Variants in NCS1 observed in about 807,000 individuals in gnomAD.
NCS1 encodes the protein frequenin homolog.
NCS1 carries 6 observed loss-of-function variants against 28.4 expected under a neutral mutation model. The ratio of observed to expected loss-of-function variants is 0.21; its 90% CI spans 0.12 to 0.42. The LOEUF (loss-of-function observed/expected upper bound fraction) is 0.42. Ranked by LOEUF, NCS1 falls within the 10% of genes least tolerant of loss-of-function variation. The pLI, the probability that NCS1 is intolerant of heterozygous loss-of-function variation, is 1.00. For synonymous variants in NCS1, 86 were observed against 99.3 expected (o/e 0.87, Z 0.79); for missense variants, 131 against 241.4 (o/e 0.54, Z 3.03).
intron 2 of NCS1, among the ~76,000 whole-genome samples, chr9:130,203,136 A>ATAT (rs1471670630): frequency 9.2e-5 from 10 of 108,454 alleles, no homozygotes; most frequent in Non-Finnish European, 1.9e-4. Context: ...ATATATATAT[A>ATAT]TTTTTTTTTT....
chr9:130,231,486 C>T (rs572754477), intron 7 of NCS1, among the ~76,000 whole-genome samples: 50 of 151,532 alleles, frequency 3.3e-4, no homozygotes, highest in Non-Finnish European at 5.2e-4. Context: ...TGGATTCAAG[C>T]GATTCTCCTG....
At chr9:130,185,721 G>GGT (rs1474628497) in intron 1 of NCS1, among the ~76,000 whole-genome samples, 2 of 152,220 alleles carry the variant, frequency 1.3e-5, no homozygotes, top group Non-Finnish European at 2.9e-5. Flanking sequence ...AAAAATATAT[G>GGT]GTGTGTGTGC....
At chr9:130,202,357 C>T (rs1315010444) in intron 2 of NCS1, among the ~76,000 whole-genome samples, 1 of 148,262 alleles carries the variant, frequency 6.7e-6, no homozygotes, top group Non-Finnish European at 1.5e-5. Context: ...CCCCCCCACC[C>T]CCTGAAACCC....
intron 1 of NCS1, among the ~76,000 whole-genome samples, chr9:130,193,089 G>A (rs1588112997): frequency 6.6e-6 from 1 of 152,274 alleles, no homozygotes; most frequent in East Asian, 1.9e-4. Flanking sequence ...GTGGGGGCAG[G>A]AGGGTGTGTG....
intron 1 of NCS1, chr9:130,200,637 G>T (rs1554907353): frequency 6.4e-7 from 1 of 1,551,850 alleles, no homozygotes; most frequent in Non-Finnish European, 8.7e-7. Flanking sequence ...TGGCCTGGGA[G>T]CAAGGGCTGT....
Position 130,211,209 on chromosome 9 carries a change from C to T in NCS1, c.90-6623C>T, listed in dbSNP as rs1311752107. ...TCAATGCCACCAGTGAAAATAATCA[C>T]GGATATTCACAATCATAATGATAAT... On this transcript the variant is annotated intron_variant, in intron 2 of 7. Transcript: ENST00000372398. Among the ~76,000 whole-genome samples, 4 of 151,552 alleles carry T rather than the reference C, an allele frequency of 2.6e-5. No individual in the cohort carries two copies. The Admixed American group carries it at 2.6e-4, about 10-fold the overall frequency.
At chr9:130,197,664 C>T in intron 1 of NCS1, among the ~76,000 whole-genome samples, 1 of 152,130 alleles carries the variant, frequency 6.6e-6, no homozygotes, top group East Asian at 1.9e-4. Context: ...TGCCTGCTGT[C>T]CTTCAAGACC....
intron 4 of NCS1, among the ~76,000 whole-genome samples, chr9:130,221,220 C>T (rs1001928001): frequency 3.3e-5 from 5 of 150,898 alleles, no homozygotes; most frequent in Admixed American, 6.7e-5. Flanking sequence ...AATGGGGTTT[C>T]GCCATGTTGG....
intron 1 of NCS1, 107 bp from the exon 2 acceptor site, chr9:130,200,851 G>T: frequency 6.6e-7 from 1 of 1,523,564 alleles, no homozygotes; most frequent in Middle Eastern, 1.7e-4. Context: ...CGGGGACATG[G>T]CCGTGGGGAG....
intron 2 of NCS1, among the ~76,000 whole-genome samples, chr9:130,207,340 C>T (rs1219434453): frequency 6.6e-6 from 1 of 152,246 alleles, no homozygotes; most frequent in Non-Finnish European, 1.5e-5. Flanking sequence ...CTGACCTCAA[C>T]TTTTCCCCTG....
In NCS1 at chr9:130,175,133, T is replaced by C. The variant is rs1832546808; in HGVS notation, c.64+2406T>C. ...TTGGCCTCCTGTCTGCCTCCCGCGC[T>C]GACGTCAGCTCCCTAGTGCAGGCCC... On this transcript the variant is annotated intron_variant, in intron 1 of 7. Transcript: ENST00000372398. This position sits in a 1 kb window ranked among gnomAD's most constrained non-coding sequence, Gnocchi z 4.9. Among the ~76,000 whole-genome samples, 1 of 152,164 alleles carries C rather than the reference T, an allele frequency of 6.6e-6. No homozygotes were observed. Among genetic ancestry groups the C allele is most frequent in the Non-Finnish European group, 1.5e-5 (1 of 68,038 alleles).
rs1832645683 is a variant in NCS1, at chr9:130,180,971, C to T, written c.64+8244C>T. Among the ~76,000 whole-genome samples the T allele has an allele frequency of 6.6e-6, 1 of 152,120 alleles. No individual in the cohort carries two copies. The highest frequency in any genetic ancestry group is 2.4e-5 in the African/African-American group (1 of 41,402). ...GTTGTGGCAGGCTGGCTTTTAGGCT[C>T]CTGTGCGCCCAGGGGCTCAGAGGAT... On this transcript the variant is annotated intron_variant, in intron 1 of 7. Coordinates refer to ENST00000372398, the MANE Select transcript of NCS1 (RefSeq NM_014286.4). The surrounding 1 kb of genome is among the most constrained non-coding windows in gnomAD (Gnocchi z 4.5).
chr9:130,189,879 A>AAAAAAAAAAAT (rs1554906056), intron 1 of NCS1, among the ~76,000 whole-genome samples: 1 of 37,750 alleles, frequency 2.6e-5, no homozygotes, highest in African/African-American at 1.2e-4. Context: ...AAAAAAAAAA[A>AAAAAAAAAAAT]ATATATATAT....
chr9:130,195,751 G>A (rs1832870188), intron 1 of NCS1, among the ~76,000 whole-genome samples: 1 of 152,226 alleles, frequency 6.6e-6, no homozygotes, highest in South Asian at 2.1e-4. Context: ...GATGGATGGG[G>A]TTTCCCTGGG....
chr9:130,187,478 G>C (rs1457183396), intron 1 of NCS1, among the ~76,000 whole-genome samples: 5 of 152,174 alleles, frequency 3.3e-5, no homozygotes, highest in African/African-American at 1.2e-4. Context: ...TCCAGCAGCA[G>C]CCCTCGCCAC....
rs1213278602 is a variant in NCS1, at chr9:130,235,874, TC to T, written c.*2903del. ...ATGCAGAGGGCACGCCCATAGTCCC[TC>T]TGCAGAGCCTCGCACTGGGGCCAGG... On this transcript the variant is annotated 3_prime_UTR_variant, in exon 8 of 8. Coordinates refer to ENST00000372398, the MANE Select transcript of NCS1 (RefSeq NM_014286.4). The T allele has an allele frequency of 1.3e-5, 2 of 152,254 alleles. No homozygotes were observed. The highest frequency in any genetic ancestry group is 2.9e-5 in the Non-Finnish European group (2 of 68,096). The allele number at this position is 152,254 out of a possible 1,614,324, so 9.4% of individuals were successfully genotyped here. A position where few individuals can be genotyped will look rare whatever the true frequency, so the allele number is the denominator to read the frequency against.
chr9:130,213,642 G>A (rs1220343229), intron 2 of NCS1, among the ~76,000 whole-genome samples: 1 of 151,608 alleles, frequency 6.6e-6, no homozygotes, highest in Non-Finnish European at 1.5e-5. Context: ...CTGGAGTGCA[G>A]TGGCGTGATC....
chr9:130,200,900 C>T, intron 1 of NCS1, 58 bp from the exon 2 acceptor site: 2 of 1,610,498 alleles, frequency 1.2e-6, no homozygotes, highest in Non-Finnish European at 1.7e-6. Context: ...GAATGTCTGC[C>T]CATCTCCCGG....
At chr9:130,197,085 T>G (rs879981966) in intron 1 of NCS1, among the ~76,000 whole-genome samples, 1 of 152,228 alleles carries the variant, frequency 6.6e-6, no homozygotes, top group Non-Finnish European at 1.5e-5. Context: ...GGTTAATTAT[T>G]TTTGGCGGGA....
Sources: allele counts gnomAD v4.1 joint callset (sites outside exome capture counted in the v4.1 genomes callset), GRCh38; gene constraint gnomAD v4.1.1; non-coding constraint Gnocchi (gnomAD v3.1); transcripts MANE v1.5; gene names NCBI Gene and HGNC (gene_info 2026-07-23, HGNC 2026-07-21).